Variants in MYBPC1 observed in about 807,000 individuals in gnomAD.
MYBPC1 encodes myosin binding protein C1.
MYBPC1 carries 52 observed loss-of-function variants against 147.1 expected under a neutral mutation model. That is an observed-to-expected ratio of 0.35 (90% CI 0.28 to 0.45). The LOEUF is 0.45. Among genes scored for constraint, MYBPC1 ranks in the 20% least tolerant of loss-of-function variants. The pLI, the probability that MYBPC1 is intolerant of heterozygous loss-of-function variation, is 1.00. For missense variants in MYBPC1, 1,228 were observed against 1,440.3 expected (o/e 0.85, Z 2.39); for synonymous variants, 477 against 475.9 (o/e 1.00, Z -0.03).
At chr12:101,610,812 C>T (rs1242316092) in intron 1 of MYBPC1, among the ~76,000 whole-genome samples, 1 of 152,128 alleles carries the variant, frequency 6.6e-6, no homozygotes, top group Non-Finnish European at 1.5e-5. Context: ...TCCTCCTCTG[C>T]CTTGTCCAAC....
intron 5 of MYBPC1, 82 bp from the exon 6 acceptor site, chr12:101,629,352 G>A (rs1565920586): frequency 1.1e-6 from 1 of 913,750 alleles, no homozygotes; most frequent in Non-Finnish European, 1.8e-6. Flanking sequence ...CTACAGCGTT[G>A]GTGAGAACAA....
intron 13 of MYBPC1, 65 bp downstream of exon 13, chr12:101,646,952 T>A: frequency 6.3e-7 from 1 of 1,593,238 alleles, no homozygotes; most frequent in Non-Finnish European, 8.6e-7. Context: ...GGGATAATGA[T>A]CAAAGTGAAA....
intron 24 of MYBPC1, 127 bp from the exon 25 acceptor site, chr12:101,673,299 AG>A (rs1292953043): frequency 3.4e-6 from 3 of 891,380 alleles, no homozygotes; most frequent in Non-Finnish European, 5.5e-6. Flanking sequence ...GCTCACCACC[AG>A]ACTAGAAGGG....
At chr12:101,646,190 A>G (rs930350900) in intron 12 of MYBPC1, among the ~76,000 whole-genome samples, 1 of 152,200 alleles carries the variant, frequency 6.6e-6, no homozygotes, top group African/African-American at 2.4e-5. Context: ...GTGAGTACTG[A>G]TTTTTATTTG....
chr12:101,666,483 T>C (rs1048730656), intron 22 of MYBPC1: 4 of 441,284 alleles, frequency 9.1e-6, no homozygotes, highest in African/African-American at 2.0e-5. Context: ...GCCTCCTTTC[T>C]CCTCTTCTCT....
intron 1 of MYBPC1, among the ~76,000 whole-genome samples, chr12:101,599,502 TC>T (rs1194027544): frequency 6.6e-6 from 1 of 152,220 alleles, no homozygotes; most frequent in Non-Finnish European, 1.5e-5. Context: ...GAAAAGGACC[TC>T]CCTTGATGGG....
chr12:101,687,320 G>A (rs2005916), downstream of MYBPC1, among the ~76,000 whole-genome samples: 3,309 of 151,814 alleles, frequency 0.022, 56 homozygotes, highest in Non-Finnish European at 0.032. Flanking sequence ...GAGAACATGC[G>A]GTGTTTGTTT....
At chr12:101,632,811 C>T (rs1890184089) in intron 8 of MYBPC1, among the ~76,000 whole-genome samples, 3 of 152,206 alleles carry the variant, frequency 2.0e-5, no homozygotes, top group Admixed American at 2.0e-4. Flanking sequence ...TTCACCACAA[C>T]TTCCAACTCC....
chr12:101,622,131 G>T (rs1443767261), intron 3 of MYBPC1, among the ~76,000 whole-genome samples: 1 of 152,014 alleles, frequency 6.6e-6, no homozygotes, highest in African/African-American at 2.4e-5. Flanking sequence ...TCATCACCAC[G>T]TTTAGATAGA....
rs72208738 is a variant in MYBPC1, at chr12:101,666,432, GTTC to G, written c.2357-1295_2357-1293del. 2,032 of 363,484 alleles carry G rather than the reference GTTC, an allele frequency of 5.6e-3. 27 individuals carry two copies. The highest frequency in any genetic ancestry group is 0.038 in the African/African-American group (1,828 of 47,684). 22.5% of individuals were successfully genotyped at this position (363,484 alleles called of 1,614,324 possible). ...TCTGTTTTCTTCAGGGTCTTGCTTTGTTCTTCTCTATCTCTTCTTCCCACCACT... is the reference window on the plus strand; with the variant it reads ...TCTGTTTTCTTCAGGGTCTTGCTTTGTTCTCTATCTCTTCTTCCCACCACT... On this transcript the variant is annotated intron_variant, in intron 22 of 31. Transcript: ENST00000361466.
At chr12:101,595,343 C>A (rs1876781943) in intron 1 of MYBPC1, among the ~76,000 whole-genome samples, 1 of 152,128 alleles carries the variant, frequency 6.6e-6, no homozygotes, top group Non-Finnish European at 1.5e-5. Flanking sequence ...ATAATTCTAT[C>A]ATTCAATTGT....
Position 101,642,488 on chromosome 12 carries a change from T to C in MYBPC1, c.735T>C (p.Ser245=), listed in dbSNP as rs1441857937. ...AGTTGCTGAAGAACGCGAAACCCAG[T>C]GAGTACGAGAAGATCGCCTTCCAGT... is the stretch of plus-strand genomic sequence containing the variant. ...VWELLKNAKP[S]EYEKIAFQYG... Residue 245 remains serine, a synonymous_variant, in exon 11 of 32, where the codon AGT becomes AGC. Transcript: ENST00000361466. 7 of 1,613,790 alleles carry C rather than the reference T, an allele frequency of 4.3e-6. No homozygotes were observed. The highest frequency in any genetic ancestry group is 2.2e-5 in the East Asian group (1 of 44,890).
chr12:101,675,952 G>A (rs570066729), intron 26 of MYBPC1, among the ~76,000 whole-genome samples: 5 of 152,346 alleles, frequency 3.3e-5, no homozygotes, highest in East Asian at 3.9e-4. Context: ...GTGCAAATGC[G>A]GAAAGGTCTG....
chr12:101,618,489 A>T (rs825089), intron 3 of MYBPC1, among the ~76,000 whole-genome samples: 24,048 of 152,222 alleles, frequency 0.16, 2,116 homozygotes, highest in East Asian at 0.31. Context: ...TATTCTCTAC[A>T]AGGCCAATGG....
In MYBPC1 at chr12:101,627,767, A is replaced by T. The variant is rs779949971; in HGVS notation, c.143-2A>T. ...ATCACCCAAATCACACTTTCCTTTC[A>T]GGTTTGGGTAGTCGGGCCCTGGAGA... On this transcript the variant is annotated splice_acceptor_variant, in intron 4 of 31. Transcript: ENST00000361466. LOFTEE classifies it high-confidence loss of function. 2.5e-6 allele frequency: 4 copies of T among 1,613,358 alleles called. No individual in the cohort carries two copies. The highest frequency in any genetic ancestry group is 3.4e-6 in the Non-Finnish European group (4 of 1,179,730).
chr12:101,659,890 A>G, intron 19 of MYBPC1, 59 bp downstream of exon 19: 10 of 1,590,080 alleles, frequency 6.3e-6, no homozygotes, highest in Non-Finnish European at 8.6e-6. Context: ...GATTCAGAGT[A>G]GACTTTCCTT....
the MYBPC1 span, among the ~76,000 whole-genome samples, chr12:101,695,235 A>G: frequency 6.6e-6 from 1 of 152,234 alleles, no homozygotes; most frequent in African/African-American, 2.4e-5. Flanking sequence ...GCCTGAAACT[A>G]TGGATAATGC....
At chr12:101,617,151 A>G (rs777565114) in intron 2 of MYBPC1, 51 bp from the exon 3 acceptor site, 1 of 1,589,022 alleles carries the variant, frequency 6.3e-7, no homozygotes, top group Non-Finnish European at 8.6e-7. Context: ...CTCATCACAC[A>G]ATAAAATGCT....
At chr12:101,596,860 T>C (rs913196517) in intron 1 of MYBPC1, among the ~76,000 whole-genome samples, 1 of 152,260 alleles carries the variant, frequency 6.6e-6, no homozygotes, top group African/African-American at 2.4e-5. Context: ...CATGTTGCTA[T>C]TCTGTGTAGG....
Sources: allele counts gnomAD v4.1 joint callset (sites outside exome capture counted in the v4.1 genomes callset), GRCh38; gene constraint gnomAD v4.1.1; transcripts MANE v1.5; gene names NCBI Gene and HGNC (gene_info 2026-07-23, HGNC 2026-07-21).